The following PRELID2 variants were observed in gnomAD, a reference collection of about 807,000 sequenced individuals.
The protein encoded by PRELID2 is PRELI domain-containing protein 2.
A neutral mutation model predicts 28.4 loss-of-function variants in PRELID2; 25 were observed. The ratio of observed to expected loss-of-function variants is 0.88; its 90% CI spans 0.64 to 1.23. The LOEUF (loss-of-function observed/expected upper bound fraction) is 1.23, where lower values mean the gene tolerates loss of function less well. PRELID2 is among the 50% of genes most tolerant of loss of function. The pLI is 0.00. For missense variants in PRELID2, 201 were observed against 214.4 expected, an observed-to-expected ratio of 0.94 and a Z score of 0.39; for synonymous variants, 76 against 71.6, an observed-to-expected ratio of 1.06 and a Z score of -0.31.
At chr5:145,801,159 A>C (rs1260970209) in intron 4 of PRELID2, among the ~76,000 whole-genome samples, 1 of 152,198 alleles carries the variant, frequency 6.6e-6, no homozygotes, top group Non-Finnish European at 1.5e-5. Context: ...CCATCACCAA[A>C]AAGTCTATTG....
At chr5:145,708,658 G>GT (rs1392956995) in intron 1 of PRELID2, among the ~76,000 whole-genome samples, 3 of 152,092 alleles carry the variant, frequency 2.0e-5, no homozygotes, top group Non-Finnish European at 2.9e-5. Context: ...TAGAAGATGT[G>GT]TTTTCCCCCA....
At chr5:145,325,696 A>G in the PRELID2 span, among the ~76,000 whole-genome samples, 16 of 152,226 alleles carry the variant, frequency 1.1e-4, no homozygotes, top group Admixed American at 3.9e-4. Flanking sequence ...TGGTCTTCTA[A>G]CCTTATTCCC....
chr5:145,325,292 A>G, the PRELID2 span, among the ~76,000 whole-genome samples: 1 of 152,134 alleles, frequency 6.6e-6, no homozygotes, highest in Admixed American at 6.5e-5. Flanking sequence ...GAGGAAGAAA[A>G]TTTTCCCTAC....
At chr5:145,250,565 A>G in the PRELID2 span, among the ~76,000 whole-genome samples, 1 of 152,126 alleles carries the variant, frequency 6.6e-6, no homozygotes, top group Non-Finnish European at 1.5e-5. Flanking sequence ...AGACCATGGG[A>G]TGTTGGGTTG....
At chr5:145,611,808 C>G (rs6869829) in intron 1 of PRELID2, among the ~76,000 whole-genome samples, 1,676 of 152,222 alleles carry the variant, frequency 0.011, 30 homozygotes, top group African/African-American at 0.037. Context: ...AATCCTAACA[C>G]GTGTATGAAA....
chr5:145,694,311 A>G (rs947799816), intron 1 of PRELID2, among the ~76,000 whole-genome samples: 3 of 152,142 alleles, frequency 2.0e-5, no homozygotes, highest in Non-Finnish European at 4.4e-5. Flanking sequence ...GATTGTCTCA[A>G]TGGGATTAAG....
downstream of PRELID2, among the ~76,000 whole-genome samples, chr5:145,753,516 T>C (rs529929525): frequency 2.1e-4 from 32 of 152,220 alleles, no homozygotes; most frequent in Non-Finnish European, 4.3e-4. Context: ...TCTGAAGGAC[T>C]TGAGGTAAAA....
the PRELID2 span, among the ~76,000 whole-genome samples, chr5:145,380,429 T>C: frequency 6.6e-5 from 10 of 152,196 alleles, no homozygotes; most frequent in Non-Finnish European, 1.3e-4. Context: ...CTGGCTGCTC[T>C]AATCGGCCAC....
chr5:145,689,532 A>T (rs1382387458), intron 1 of PRELID2, among the ~76,000 whole-genome samples: 2 of 152,224 alleles, frequency 1.3e-5, no homozygotes, highest in East Asian at 3.8e-4. Context: ...TCAAAAAGCC[A>T]AGTAACAAAG....
intron 1 of PRELID2, among the ~76,000 whole-genome samples, chr5:145,744,761 A>G (rs1756942808): frequency 6.6e-6 from 1 of 152,214 alleles, no homozygotes. Context: ...GAAAGCATCA[A>G]CAAAAAAACA....
At chr5:145,390,869 A>G in the PRELID2 span, among the ~76,000 whole-genome samples, 1 of 152,182 alleles carries the variant, frequency 6.6e-6, no homozygotes, top group Non-Finnish European at 1.5e-5. Context: ...CCCATTCCAA[A>G]TGAGAGAAAT....
chr5:145,651,984 G>A (rs546269895), intron 1 of PRELID2, among the ~76,000 whole-genome samples: 6 of 152,262 alleles, frequency 3.9e-5, no homozygotes, highest in South Asian at 4.1e-4. Context: ...TGAACCCATC[G>A]CAAAGAAGCT....
intron 1 of PRELID2, among the ~76,000 whole-genome samples, chr5:145,618,465 C>T (rs1169178962): frequency 6.6e-6 from 1 of 152,160 alleles, no homozygotes; most frequent in African/African-American, 2.4e-5. Context: ...TGGGTCTAGC[C>T]ACTCAGCAAG....
the PRELID2 span, among the ~76,000 whole-genome samples, chr5:145,270,863 C>A: frequency 6.6e-6 from 1 of 152,020 alleles, no homozygotes; most frequent in Non-Finnish European, 1.5e-5. Context: ...CATTTTCACA[C>A]TGCTATAAAG....
the PRELID2 span, among the ~76,000 whole-genome samples, chr5:145,375,148 C>G: frequency 6.6e-6 from 1 of 151,996 alleles, no homozygotes; most frequent in Non-Finnish European, 1.5e-5. Context: ...GGATGCTGAC[C>G]CTTGAATGCA....
At chr5:145,517,966 G>A (rs1318504005) in intron 1 of PRELID2, among the ~76,000 whole-genome samples, 2 of 151,916 alleles carry the variant, frequency 1.3e-5, no homozygotes, top group Non-Finnish European at 2.9e-5. Context: ...ACAGGGTTGG[G>A]AACATCACAC....
rs76315578 is a variant in PRELID2 at position 145,688,970 on chromosome 5, G to C, written n.70+75961C>G. Among the ~76,000 whole-genome samples, 579 of 152,290 alleles carry C rather than the reference G, an allele frequency of 3.8e-3. 4 individuals are homozygous for C. The highest frequency in any genetic ancestry group is 0.013 in the African/African-American group (559 of 41,568). ...TTTAACAAAAATAATTGAATGTAAA[G>C]AATTGTTAGCAAGGTATTGGACAAT... On this transcript the variant is annotated intron_variant and non_coding_transcript_variant, in intron 1 of 2. Transcript: ENST00000510259.
chr5:145,561,697 G>T (rs1199287623), intron 1 of PRELID2, among the ~76,000 whole-genome samples: 2 of 152,160 alleles, frequency 1.3e-5, no homozygotes, highest in Non-Finnish European at 1.5e-5. Context: ...CTAACTCACT[G>T]CTCAGTATTC....
the PRELID2 span, among the ~76,000 whole-genome samples, chr5:145,443,798 T>C: frequency 1.3e-5 from 2 of 152,030 alleles, no homozygotes; most frequent in African/African-American, 4.8e-5. Flanking sequence ...CAGGCTCACA[T>C]AGTAAGACAA....
Sources: allele counts gnomAD v4.1 joint callset (sites outside exome capture counted in the v4.1 genomes callset), GRCh38; gene constraint gnomAD v4.1.1; transcripts MANE v1.5; gene names NCBI Gene and HGNC (gene_info 2026-07-23, HGNC 2026-07-21).